Variants in AMBRA1 observed in about 807,000 individuals in gnomAD.
The protein encoded by AMBRA1 is activating molecule in BECN1-regulated autophagy protein 1.
A neutral mutation model predicts 125.4 loss-of-function variants in AMBRA1; 47 were observed. The ratio of observed to expected loss-of-function variants is 0.37; its 90% CI spans 0.30 to 0.48. AMBRA1 has a LOEUF of 0.48. AMBRA1 is among the 20% of genes least tolerant of loss of function. The probability of loss-of-function intolerance (pLI) is 0.99; values close to 1 mark genes in which losing one functional copy is unlikely to be tolerated. For synonymous variants in AMBRA1, 626 were observed against 655.5 expected, an observed-to-expected ratio of 0.95 and a Z score of 0.69; for missense variants, 1,331 against 1,693.4, an observed-to-expected ratio of 0.79 and a Z score of 3.76.
intron 9 of AMBRA1, among the ~76,000 whole-genome samples, chr11:46,498,075 A>G (rs1355603075): frequency 6.6e-6 from 1 of 152,200 alleles, no homozygotes; most frequent in Non-Finnish European, 1.5e-5. Context: ...GCTCTATGAG[A>G]TAGAAGGAGA....
Position 46,548,429 on chromosome 11 carries a change from G to A in AMBRA1, c.-49C>T, listed in dbSNP as rs2042892369. 7 of 1,608,952 alleles carry A rather than the reference G, an allele frequency of 4.4e-6. No individual in the cohort carries two copies. The East Asian group carries it at 1.6e-4, about 36-fold the overall frequency. On this transcript the variant is annotated 5_prime_UTR_variant, in exon 2 of 18. Coordinates refer to ENST00000683756, the MANE Select transcript of AMBRA1 (RefSeq NM_001387011.1). ...CCAGGCCCAGGAAATGAAGGAGCAA[G>A]TAACAGCTCCAACACACTGAAGCAG...
chr11:46,494,980 G>A (rs968436939), intron 9 of AMBRA1: 1 of 152,190 alleles, frequency 6.6e-6, no homozygotes, highest in Non-Finnish European at 1.5e-5. Context: ...CTATTTTACA[G>A]AGAAGCGGAC....
intron 9 of AMBRA1, among the ~76,000 whole-genome samples, chr11:46,499,337 A>G (rs1245811947): frequency 2.0e-5 from 3 of 152,172 alleles, no homozygotes; most frequent in Non-Finnish European, 4.4e-5. Flanking sequence ...TCTAAGCCCA[A>G]GCACAATCCA....
intron 11 of AMBRA1, among the ~76,000 whole-genome samples, chr11:46,474,331 G>C (rs1255682413): frequency 1.3e-5 from 2 of 152,116 alleles, no homozygotes; most frequent in Non-Finnish European, 2.9e-5. Context: ...TCAGGTATAT[G>C]ATCAATACGA....
intron 11 of AMBRA1, among the ~76,000 whole-genome samples, chr11:46,454,929 G>C (rs1448879023): frequency 6.7e-6 from 1 of 148,502 alleles, no homozygotes; most frequent in African/African-American, 2.5e-5. Context: ...GCCCAGGTTG[G>C]AGTGCAGTGG....
At chr11:46,537,807 C>G (rs923472542) in intron 7 of AMBRA1, among the ~76,000 whole-genome samples, 1 of 152,210 alleles carries the variant, frequency 6.6e-6, no homozygotes, top group African/African-American at 2.4e-5. Flanking sequence ...AGGATCCAGA[C>G]ATCTCTCCTT....
At chr11:46,439,550 C>T (rs1377268354) in intron 12 of AMBRA1, among the ~76,000 whole-genome samples, 1 of 152,096 alleles carries the variant, frequency 6.6e-6, no homozygotes, top group Admixed American at 6.5e-5. Flanking sequence ...GAATCAAAGA[C>T]TTAACTATTA....
At chr11:46,547,038 A>T in intron 4 of AMBRA1, 75 bp downstream of exon 4, 1 of 1,418,258 alleles carries the variant, frequency 7.1e-7, no homozygotes, top group Non-Finnish European at 9.5e-7. Flanking sequence ...ACCACTGGGC[A>T]ACAGAGCGAG....
intron 17 of AMBRA1, among the ~76,000 whole-genome samples, chr11:46,404,755 G>T (rs1438183590): frequency 1.3e-5 from 2 of 152,148 alleles, no homozygotes. Context: ...ACCAGGTCTT[G>T]CCTCCTAAAA....
chr11:46,447,038 T>TA (rs1264466329), intron 11 of AMBRA1, among the ~76,000 whole-genome samples: 1 of 152,224 alleles, frequency 6.6e-6, no homozygotes, highest in African/African-American at 2.4e-5. Flanking sequence ...TCTCTGAACC[T>TA]CAGTTTCCTT....
rs1414993109 is a variant in AMBRA1, at chr11:46,397,683, C to A, written c.3664G>T (p.Ala1222Ser). 6.2e-7 allele frequency: 1 copy of A among 1,612,774 alleles called. No individual in the cohort carries two copies. The highest frequency in any genetic ancestry group is 1.3e-5 in the African/African-American group (1 of 74,910). Residue 1222 changes from alanine (A) to serine (S), a missense_variant, in exon 18 of 18, where the codon GCA (alanine) becomes TCA (serine). Physicochemically the swap from Ala to Ser is moderately conservative, Grantham distance 99 (BLOSUM62 1). This residue lies in a region of AMBRA1 where 144 missense variants were observed against 133.9 expected (regional missense o/e 1.08). Transcript: ENST00000683756. ...RGLLPEAGQL[A>S]ERGLSPRTAS... ...GTCCGGGGGCTTAGGCCTCGCTCTG[C>A]CAGTTGCCCGGCCTCTGGGAGCAGT...
intron 12 of AMBRA1, among the ~76,000 whole-genome samples, chr11:46,439,036 C>T (rs1947868402): frequency 6.6e-6 from 1 of 152,122 alleles, no homozygotes. Flanking sequence ...TACGGGAGGC[C>T]AAGGCAGGGT....
At chr11:46,593,807 C>T (rs1421031277) in intron 1 of AMBRA1, 21 bp downstream of exon 1, 3 of 395,352 alleles carry the variant, frequency 7.6e-6, no homozygotes, top group Admixed American at 4.4e-5. Context: ...GCTGGGCCTC[C>T]CAGGCTCCTC....
At chr11:46,530,207 C>A (rs958005122) in intron 7 of AMBRA1, among the ~76,000 whole-genome samples, 3 of 152,198 alleles carry the variant, frequency 2.0e-5, no homozygotes, top group African/African-American at 7.2e-5. Flanking sequence ...TCACTGTAGT[C>A]CCCAAGTGCT....
intron 17 of AMBRA1, 101 bp downstream of exon 17, chr11:46,408,412 T>C (rs1946128368): frequency 8.0e-7 from 1 of 1,249,168 alleles, no homozygotes; most frequent in Middle Eastern, 3.0e-4. Context: ...CAGGTGGGCA[T>C]CACCCAGACA....
rs187526070 is a variant in AMBRA1 at position 46,579,476 on chromosome 11, G to T, written c.-121+14352C>A. Among the ~76,000 whole-genome samples, 237 of 152,104 alleles carry T rather than the reference G, an allele frequency of 1.6e-3. 3 individuals carry two copies. The highest frequency in any genetic ancestry group is 2.4e-3 in the Non-Finnish European group (161 of 68,014). The stretch of plus-strand genomic sequence containing the variant: ...CCATCTCAATAAATAAATAAATTAA[G>T]TAAGTAAGTACATAAAAAGTAGATA... On this transcript the variant is annotated intron_variant, in intron 1 of 17. Coordinates refer to ENST00000683756, the MANE Select transcript of AMBRA1 (RefSeq NM_001387011.1).
intron 7 of AMBRA1, among the ~76,000 whole-genome samples, 158 bp downstream of exon 7, chr11:46,541,787 C>T (rs1408289874): frequency 6.6e-6 from 1 of 152,214 alleles, no homozygotes; most frequent in African/African-American, 2.4e-5. Flanking sequence ...CTATCTCTGC[C>T]ACCAGAGCAA....
intron 7 of AMBRA1, among the ~76,000 whole-genome samples, chr11:46,515,041 T>C (rs1951416952): frequency 6.6e-6 from 1 of 152,226 alleles, no homozygotes; most frequent in African/African-American, 2.4e-5. Flanking sequence ...CTGACTATCC[T>C]AGAATACCTA....
chr11:46,486,836 A>G (rs1205955577), intron 11 of AMBRA1, among the ~76,000 whole-genome samples: 1 of 151,882 alleles, frequency 6.6e-6, no homozygotes, highest in East Asian at 1.9e-4. Flanking sequence ...AACCCAGGAG[A>G]TGGAGGTTAC....
Sources: allele counts gnomAD v4.1 joint callset (sites outside exome capture counted in the v4.1 genomes callset), GRCh38; gene constraint gnomAD v4.1.1; regional missense constraint gnomAD v4.1.1; transcripts MANE v1.5; gene names NCBI Gene and HGNC (gene_info 2026-07-23, HGNC 2026-07-21).